The following PMEPA1 variants were observed in gnomAD, a reference collection of about 807,000 sequenced individuals.
PMEPA1 encodes the protein prostate transmembrane protein, androgen induced 1.
Under a neutral mutation model 23.0 loss-of-function variants are expected in PMEPA1, and 11 were observed. The ratio of observed to expected loss-of-function variants is 0.48; its 90% CI spans 0.30 to 0.79. The LOEUF (loss-of-function observed/expected upper bound fraction) is 0.79. Ranked by LOEUF, PMEPA1 falls within the 30% of genes least tolerant of loss-of-function variation. The pLI is 0.06. For synonymous variants in PMEPA1, 204 were observed against 166.4 expected, an observed-to-expected ratio of 1.23 and a Z score of -1.74; for missense variants, 377 against 390.9, an observed-to-expected ratio of 0.96 and a Z score of 0.30.
chr20:57,666,461 G>A (rs1209369267), intron 1 of PMEPA1, among the ~76,000 whole-genome samples: 3 of 152,180 alleles, frequency 2.0e-5, no homozygotes, highest in Admixed American at 1.3e-4. Context: ...GAGGTGAGGC[G>A]ACCGCCAAAG....
Position 57,652,547 on chromosome 20 carries a change from A to C in PMEPA1, c.370T>G (p.Phe124Val), listed in dbSNP as rs554178177. The change falls in exon 4 of 4, where the codon TTC becomes GTC. Residue 124 changes from phenylalanine (F) to valine (V), a missense_variant. Physicochemically the swap from Phe to Val is conservative, Grantham distance 50. Around this residue, in one of 3 missense-constraint regions of PMEPA1, gnomAD observed 198 missense variants for 196.3 expected, o/e 1.01. Transcript: ENST00000341744. The surrounding 1 kb of genome is among the most constrained non-coding windows in gnomAD (Gnocchi z 6.1). ...CGGTGGAAGCGCTCCCGCTGGGCGA[A>C]GGGCGGCACGGCCAGGCGGTCGGTG... ...RPTDRLAVPPFAQRERFHRFQ... is the reference protein window; with the variant it reads ...RPTDRLAVPPVAQRERFHRFQ... 6.5e-7 allele frequency: 1 copy of C among 1,539,722 alleles called. No individual in the cohort carries two copies. Among genetic ancestry groups the C allele is most frequent in the South Asian group, 1.3e-5 (1 of 79,112 alleles).
In PMEPA1 at chr20:57,653,091, A is replaced by C. The variant is rs201590102; in HGVS notation, c.265-5T>G. The C allele has an allele frequency of 2.1e-4, 325 of 1,579,264 alleles. No individual in the cohort carries two copies. Among genetic ancestry groups the C allele is most frequent in the Non-Finnish European group, 2.6e-4 (301 of 1,161,764 alleles). ...CGAGGGCCACAGGCATCCTTCCTGC[A>C]CAGGAAGAAACGTACAAGCAGGGTC... On this transcript the variant is annotated splice_polypyrimidine_tract_variant and splice_region_variant and intron_variant, in intron 2 of 3. Coordinates refer to ENST00000341744, the MANE Select transcript of PMEPA1 (RefSeq NM_020182.5).
Position 57,682,072 on chromosome 20 carries a change from C to T in PMEPA1, c.110-22375G>A, listed in dbSNP as rs944950620. 1.3e-5 allele frequency among the ~76,000 whole-genome samples: 2 copies of T among 152,250 alleles called. No individual in the cohort carries two copies. Among genetic ancestry groups the T allele is most frequent in the African/African-American group, 4.8e-5 (2 of 41,458 alleles). On this transcript the variant is annotated intron_variant, in intron 1 of 3. Transcript: ENST00000341744. This position sits in a 1 kb window ranked among gnomAD's most constrained non-coding sequence, Gnocchi z 4.4. ...TAGCTCCCTGAGGGCAGGCTCAGGCCTGTTCCATTCACCAGGTCCTCCCAT... is the reference window on the plus strand; with the variant it reads ...TAGCTCCCTGAGGGCAGGCTCAGGCTTGTTCCATTCACCAGGTCCTCCCAT...
At chr20:57,703,588 C>T (rs2072039689) in intron 1 of PMEPA1, among the ~76,000 whole-genome samples, 1 of 152,178 alleles carries the variant, frequency 6.6e-6, no homozygotes, top group African/African-American at 2.4e-5. Flanking sequence ...ATGCTGGGGT[C>T]GTTGCCAGCC....
chr20:57,696,713 C>A (rs2071947024), intron 1 of PMEPA1, among the ~76,000 whole-genome samples: 1 of 152,192 alleles, frequency 6.6e-6, no homozygotes, highest in Non-Finnish European at 1.5e-5. Context: ...GTCTTTGTTC[C>A]TGAACCCCAC....
intron 1 of PMEPA1, among the ~76,000 whole-genome samples, chr20:57,680,470 A>G (rs903071341): frequency 2.0e-5 from 3 of 152,268 alleles, no homozygotes; most frequent in Non-Finnish European, 4.4e-5. Context: ...CCTGCCACGC[A>G]CAGGGAAGTC....
At chr20:57,658,825 C>T (rs913302209) in intron 2 of PMEPA1, among the ~76,000 whole-genome samples, 7 of 152,198 alleles carry the variant, frequency 4.6e-5, no homozygotes, top group African/African-American at 1.7e-4. Context: ...AGGGCCGCCA[C>T]CTCCCTTCCG....
At chr20:57,665,700 C>G (rs1426543286) in intron 1 of PMEPA1, among the ~76,000 whole-genome samples, 1 of 152,202 alleles carries the variant, frequency 6.6e-6, no homozygotes, top group African/African-American at 2.4e-5. Flanking sequence ...CTGCAGAGTA[C>G]AAGCCTGCTT....
At position 57,656,987 on chromosome 20, in the gene PMEPA1, C is replaced by T. The variant is rs1033615654; in HGVS notation, c.264+2556G>A. Among the ~76,000 whole-genome samples, 7 of 152,214 alleles carry T rather than the reference C, an allele frequency of 4.6e-5. No individual in the cohort carries two copies. Among genetic ancestry groups the T allele is most frequent in the Non-Finnish European group, 1.0e-4 (7 of 68,032 alleles). On this transcript the variant is annotated intron_variant, in intron 2 of 3. Transcript: ENST00000341744. The surrounding 1 kb of genome is among the most constrained non-coding windows in gnomAD (Gnocchi z 4.7). The stretch of plus-strand genomic sequence containing the variant: ...CTGCTTTAGGCCTAGTGAGGCTCCA[C>T]GTTTACCCAGCCAGGCATCCCGGGC...
chr20:57,660,879 C>T (rs2071409133), intron 1 of PMEPA1, among the ~76,000 whole-genome samples: 1 of 152,188 alleles, frequency 6.6e-6, no homozygotes, highest in South Asian at 2.1e-4. Context: ...CATATCAACA[C>T]CCCAACACAC....
rs984961063 is a variant in PMEPA1 at position 57,682,443 on chromosome 20, C to T, written c.110-22746G>A. Reference sequence around the variant, plus strand: ...ACAAAGTCACTGGTAACTAGGGGCCCAGGTTCTGGGTCTCCCTGGAGTGTC... The same window carrying T: ...ACAAAGTCACTGGTAACTAGGGGCCTAGGTTCTGGGTCTCCCTGGAGTGTC... On this transcript the variant is annotated intron_variant, in intron 1 of 3. Coordinates refer to ENST00000341744, the MANE Select transcript of PMEPA1 (RefSeq NM_020182.5). The surrounding 1 kb of genome is among the most constrained non-coding windows in gnomAD (Gnocchi z 4.4). Among the ~76,000 whole-genome samples the T allele has an allele frequency of 2.0e-5, 3 of 152,172 alleles. No individual in the cohort carries two copies. Among genetic ancestry groups the T allele is most frequent in the African/African-American group, 4.8e-5 (2 of 41,434 alleles).
At chr20:57,659,299 C>T (rs535408243) in intron 2 of PMEPA1, among the ~76,000 whole-genome samples, 4 of 152,324 alleles carry the variant, frequency 2.6e-5, no homozygotes, top group South Asian at 2.1e-4. Flanking sequence ...GAGTGGATCA[C>T]GAAGCCTCTT....
intron 1 of PMEPA1, among the ~76,000 whole-genome samples, chr20:57,688,386 T>A (rs935413128): frequency 3.3e-5 from 5 of 151,750 alleles, no homozygotes; most frequent in Non-Finnish European, 5.9e-5. Flanking sequence ...GGCTGTTGAG[T>A]TGCATCCCTG....
At chr20:57,690,382 G>A (rs1277439170) in intron 1 of PMEPA1, 1 of 1,255,156 alleles carries the variant, frequency 8.0e-7, no homozygotes, top group Non-Finnish European at 1.1e-6. Context: ...TATCCCCAGA[G>A]AAGAAACTTA....
In PMEPA1 at chr20:57,652,131, G is replaced by A. The variant is rs2146632954; in HGVS notation, c.786C>T (p.His262=). The A allele has an allele frequency of 2.5e-6, 4 of 1,593,746 alleles. No homozygotes were observed. The highest frequency in any genetic ancestry group is 3.4e-6 in the Non-Finnish European group (4 of 1,169,812). The change falls in exon 4 of 4, where the codon CAC becomes CAT. Residue 262 remains histidine (H), a synonymous_variant. Coordinates refer to ENST00000341744, the MANE Select transcript of PMEPA1 (RefSeq NM_020182.5). The surrounding 1 kb of genome is among the most constrained non-coding windows in gnomAD (Gnocchi z 6.1). ...TCTCTAGGGGCGCGATGTGTGTGTG[G>A]TGGAGCCGGGTCCCCTCCAGCAAGG... is the stretch of plus-strand genomic sequence containing the variant. The part of the protein sequence containing the change: ...PPSLLEGTRL[H]HTHIAPLESA...
At chr20:57,671,817 A>G (rs2071572075) in intron 1 of PMEPA1, among the ~76,000 whole-genome samples, 1 of 152,222 alleles carries the variant, frequency 6.6e-6, no homozygotes, top group Admixed American at 6.5e-5. Flanking sequence ...TAGAGGCTAG[A>G]AGCACCATCA....
intron 1 of PMEPA1, among the ~76,000 whole-genome samples, chr20:57,697,972 C>A (rs939637883): frequency 6.6e-6 from 1 of 152,212 alleles, no homozygotes; most frequent in African/African-American, 2.4e-5. Context: ...GGGGCAGAGG[C>A]TCCCTTACAC....
intron 1 of PMEPA1, among the ~76,000 whole-genome samples, chr20:57,663,772 T>C (rs914515986): frequency 1.1e-4 from 17 of 151,784 alleles, no homozygotes; most frequent in Non-Finnish European, 2.2e-4. Flanking sequence ...GACCTGGAGG[T>C]GTTGAGGGGG....
chr20:57,675,883 C>T (rs991670674), intron 1 of PMEPA1, among the ~76,000 whole-genome samples: 1 of 152,214 alleles, frequency 6.6e-6, no homozygotes, highest in African/African-American at 2.4e-5. Context: ...CTGTATGAGT[C>T]TCTTCCTCTT....
Sources: allele counts gnomAD v4.1 joint callset (sites outside exome capture counted in the v4.1 genomes callset), GRCh38; gene constraint gnomAD v4.1.1; regional missense constraint gnomAD v4.1.1; non-coding constraint Gnocchi (gnomAD v3.1); transcripts MANE v1.5; gene names NCBI Gene and HGNC (gene_info 2026-07-23, HGNC 2026-07-21).